The following SOX12 variants were observed in gnomAD, a reference collection of about 807,000 sequenced individuals.
The protein encoded by SOX12 is transcription factor SOX-12.
In SOX12, 8 loss-of-function variants were observed where a neutral mutation model predicts 21.5. That is an observed-to-expected ratio of 0.37 (90% CI 0.22 to 0.67). The LOEUF (loss-of-function observed/expected upper bound fraction) is 0.67, where lower values mean the gene tolerates loss of function less well. SOX12 is among the 30% of genes least tolerant of loss of function. The pLI, the probability that SOX12 is intolerant of heterozygous loss-of-function variation, is 0.56. For missense variants in SOX12, 400 were observed against 482.6 expected, an observed-to-expected ratio of 0.83 and a Z score of 1.60; for synonymous variants, 235 against 224.2, an observed-to-expected ratio of 1.05 and a Z score of -0.43.
In SOX12 at chr20:327,645, C is replaced by G. The variant is rs1049810730; in HGVS notation, c.*773C>G. The G allele has an allele frequency of 6.0e-6, 1 of 167,164 alleles. No individual in the cohort carries two copies. The highest frequency in any genetic ancestry group is 2.4e-5 in the African/African-American group (1 of 41,476). The allele number at this position is 167,164 out of a possible 1,614,324, so 10.4% of individuals were successfully genotyped here. A position where few individuals can be genotyped will look rare whatever the true frequency, so the allele number is the denominator to read the frequency against. On this transcript the variant is annotated 3_prime_UTR_variant, in exon 1 of 1. Transcript: ENST00000342665. The stretch of plus-strand genomic sequence containing the variant: ...CATAGCCCCTTTTCCGGTATGGGGT[C>G]TCCTACACCCACGCGCACCACCTCT...
Position 325,761 on chromosome 20 carries a change from C to T in SOX12, c.-164C>T, listed in dbSNP as rs1392324561. ...CGCGCTGACCTTCTCCCCCCGCCGT[C>T]CGTTGGGCCCGAGCGCCCAGCTCCT... On this transcript the variant is annotated 5_prime_UTR_variant, in exon 1 of 1. Coordinates refer to ENST00000342665, the MANE Select transcript of SOX12 (RefSeq NM_006943.4). The surrounding 1 kb of genome is among the most constrained non-coding windows in gnomAD (Gnocchi z 5.0). 5.2e-6 allele frequency: 1 copy of T among 190,690 alleles called. No homozygotes were observed. Among genetic ancestry groups the T allele is most frequent in the Non-Finnish European group, 9.7e-6 (1 of 102,644 alleles). The allele number at this position is 190,690 out of a possible 1,614,324, so 11.8% of individuals were successfully genotyped here.
rs1568504494 is a variant in SOX12, at chr20:325,923, C to A, written c.-2C>A. ...CGTCTAGCGGCCCCGGGCCCAGGCGCGATGGTGCAGCAGCGGGGCGCGAGG... is the reference window on the plus strand; with the variant it reads ...CGTCTAGCGGCCCCGGGCCCAGGCGAGATGGTGCAGCAGCGGGGCGCGAGG... On this transcript the variant is annotated 5_prime_UTR_variant, in exon 1 of 1. Coordinates refer to ENST00000342665, the MANE Select transcript of SOX12 (RefSeq NM_006943.4). The surrounding 1 kb of genome is among the most constrained non-coding windows in gnomAD (Gnocchi z 5.0). The A allele has an allele frequency of 4.3e-6, 5 of 1,172,700 alleles. No individual in the cohort carries two copies. The highest frequency in any genetic ancestry group is 5.3e-6 in the Non-Finnish European group (5 of 950,608). The allele number at this position is 1,172,700 out of a possible 1,614,324, so 72.6% of individuals were successfully genotyped here.
chr20:327,382 CCGCTGGGGCCCACCCCCTT>C lies in SOX12; in HGVS notation c.*513_*531del. ...CCCCGGAGCGCTAGGGCCCGCCCCT[CCGCTGGGGCCCACCCCCTT>C]CGTGCGCATGCTTAATGCTTCTGGG... On this transcript the variant is annotated 3_prime_UTR_variant, in exon 1 of 1. Coordinates refer to ENST00000342665, the MANE Select transcript of SOX12 (RefSeq NM_006943.4). The C allele has an allele frequency of 5.4e-6, 1 of 186,248 alleles. No individual in the cohort carries two copies. The allele number at this position is 186,248 out of a possible 1,614,324, so 11.5% of individuals were successfully genotyped here. A position where few individuals can be genotyped will look rare whatever the true frequency, so the allele number is the denominator to read the frequency against.
Position 326,706 on chromosome 20 carries a change from G to T in SOX12, c.782G>T (p.Gly261Val). 1 of 1,595,874 alleles carries T rather than the reference G, an allele frequency of 6.3e-7. No homozygotes were observed. Among genetic ancestry groups the T allele is most frequent in the Non-Finnish European group, 8.5e-7 (1 of 1,171,696 alleles). ...SLGFLSRLPP[G>V]PAGLDCSALD... Reference sequence around the variant, plus strand: ...GGCTTTCTGTCCAGGCTGCCCCCTGGCCCGGCCGGCCTGGACTGCAGCGCC... The same window carrying T: ...GGCTTTCTGTCCAGGCTGCCCCCTGTCCCGGCCGGCCTGGACTGCAGCGCC... The change falls in exon 1 of 1, where the codon GGC (glycine) becomes GTC (valine). Residue 261 changes from glycine to valine, a missense_variant. Around this residue, in one of 4 missense-constraint regions of SOX12, gnomAD observed 235 missense variants for 219.3 expected, o/e 1.07. Coordinates refer to ENST00000342665, the MANE Select transcript of SOX12 (RefSeq NM_006943.4). This position sits in a 1 kb window ranked among gnomAD's most constrained non-coding sequence, Gnocchi z 9.9.
chr20:327,178 C>T lies in SOX12; in HGVS notation c.*306C>T, dbSNP rs2013115289. 1 of 405,658 alleles carries T rather than the reference C, an allele frequency of 2.5e-6. No individual in the cohort carries two copies. The highest frequency in any genetic ancestry group is 4.7e-6 in the Non-Finnish European group (1 of 212,012). The allele number at this position is 405,658 out of a possible 1,614,324, so 25.1% of individuals were successfully genotyped here. A position where few individuals can be genotyped will look rare whatever the true frequency, so the allele number is the denominator to read the frequency against. The stretch of plus-strand genomic sequence containing the variant: ...CCTCTCCTACAGACCTGCACCCCTC[C>T]CCCCTTTTGCACACGCCCCTCCTCG... On this transcript the variant is annotated 3_prime_UTR_variant, in exon 1 of 1. Transcript: ENST00000342665.
At position 326,359 on chromosome 20, in the gene SOX12, C is replaced by CG; in HGVS notation, c.440dup (p.Arg148ProfsTer20). 7.7e-7 allele frequency: 1 copy of CG among 1,295,388 alleles called. No homozygotes were observed. The highest frequency in any genetic ancestry group is 2.8e-5 in the South Asian group (1 of 35,466). 80.2% of individuals were successfully genotyped at this position (1,295,388 alleles called of 1,614,324 possible). On this transcript the variant is annotated frameshift_variant, in exon 1 of 1. Coordinates refer to ENST00000342665, the MANE Select transcript of SOX12 (RefSeq NM_006943.4). LOFTEE classifies it high-confidence loss of function. This position sits in a 1 kb window ranked among gnomAD's most constrained non-coding sequence, Gnocchi z 9.9. ...AGCCCGGGCCGCAGCTGCCTGGCCG[C>CG]GGGGGCCGCCGAGCAGCGGGAGGGC... is the stretch of plus-strand genomic sequence containing the variant.
rs556683197 is a variant in SOX12, at chr20:327,854, C to T, written c.*982C>T. ...GGATCCCTGCTGCACCTTCCCCACC[C>T]CCTCCTGGGAAGTGCCCCCTCACCT... On this transcript the variant is annotated 3_prime_UTR_variant, in exon 1 of 1. Coordinates refer to ENST00000342665, the MANE Select transcript of SOX12 (RefSeq NM_006943.4). 12 of 167,380 alleles carry T rather than the reference C, an allele frequency of 7.2e-5. No individual in the cohort carries two copies. In the South Asian group the frequency reaches 8.3e-4, roughly 12 times the overall value. The allele number at this position is 167,380 out of a possible 1,614,324, so 10.4% of individuals were successfully genotyped here.
Position 326,714 on chromosome 20 carries a change from G to C in SOX12, c.790G>C (p.Gly264Arg). Residue 264 changes from glycine to arginine, a missense_variant, in exon 1 of 1, where the codon GGC (glycine) becomes CGC (arginine). Transcript: ENST00000342665. The surrounding 1 kb of genome is among the most constrained non-coding windows in gnomAD (Gnocchi z 9.9). ...FLSRLPPGPA[G>R]LDCSALDRDP... ...GTCCAGGCTGCCCCCTGGCCCGGCC[G>C]GCCTGGACTGCAGCGCCCTGGATCG... 1 of 1,602,792 alleles carries C rather than the reference G, an allele frequency of 6.2e-7. No homozygotes were observed. Among genetic ancestry groups the C allele is most frequent in the South Asian group, 1.1e-5 (1 of 89,956 alleles).
Position 328,517 on chromosome 20 carries a change from ATTTTTTTTTTTTTT to A in SOX12, c.*1652_*1665del. 7.8e-6 allele frequency: 1 copy of A among 128,424 alleles called. No individual in the cohort carries two copies. The allele number at this position is 128,424 out of a possible 1,614,324, so 8.0% of individuals were successfully genotyped here. A position where few individuals can be genotyped will look rare whatever the true frequency, so the allele number is the denominator to read the frequency against. On this transcript the variant is annotated 3_prime_UTR_variant, in exon 1 of 1. Transcript: ENST00000342665. Reference sequence around the variant, plus strand: ...CGGCTCTGGGCCTTTCTTGCGCTCTATTTTTTTTTTTTTTTTTTTTAAGAAAAACAACAACAACA... The same window carrying A: ...CGGCTCTGGGCCTTTCTTGCGCTCTATTTTTTAAGAAAAACAACAACAACA...
At position 327,161 on chromosome 20, in the gene SOX12, A is replaced by C; in HGVS notation, c.*289A>C. 1.0e-5 allele frequency: 4 copies of C among 399,552 alleles called. No homozygotes were observed. The highest frequency in any genetic ancestry group is 9.6e-6 in the Non-Finnish European group (2 of 208,160). 24.8% of individuals were successfully genotyped at this position (399,552 alleles called of 1,614,324 possible). A position where few individuals can be genotyped will look rare whatever the true frequency, so the allele number is the denominator to read the frequency against. On this transcript the variant is annotated 3_prime_UTR_variant, in exon 1 of 1. Transcript: ENST00000342665. The stretch of plus-strand genomic sequence containing the variant: ...TCCGATACACCTCCCGTCCTCTCCT[A>C]CAGACCTGCACCCCTCCCCCCTTTT...
In SOX12 at chr20:326,526, A is replaced by T; in HGVS notation, c.602A>T (p.Glu201Val). Residue 201 changes from glutamate to valine, a missense_variant, in exon 1 of 1, where the codon GAG becomes GTG. Glu to Val is a moderately radical substitution (Grantham distance 121). Coordinates refer to ENST00000342665, the MANE Select transcript of SOX12 (RefSeq NM_006943.4). This position sits in a 1 kb window ranked among gnomAD's most constrained non-coding sequence, Gnocchi z 9.9. ...PAGRAARGQA[E>V]RAQGPSGEGA... Reference sequence around the variant, plus strand: ...GGACGGGCCGCTCGGGGACAAGCGGAGCGCGCCCAAGGGCCGTCGGGCGAG... The same window carrying T: ...GGACGGGCCGCTCGGGGACAAGCGGTGCGCGCCCAAGGGCCGTCGGGCGAG... The T allele has an allele frequency of 6.8e-7, 1 of 1,469,648 alleles. No individual in the cohort carries two copies. Among genetic ancestry groups the T allele is most frequent in the Non-Finnish European group, 8.9e-7 (1 of 1,122,740 alleles). The allele number at this position is 1,469,648 out of a possible 1,614,324, so 91.0% of individuals were successfully genotyped here.
In SOX12 at chr20:326,704, T is replaced by G. The variant is rs1568504899; in HGVS notation, c.780T>G (p.Pro260=). ...TGGGCTTTCTGTCCAGGCTGCCCCC[T>G]GGCCCGGCCGGCCTGGACTGCAGCG... The part of the protein sequence containing the change: ...ESLGFLSRLP[P]GPAGLDCSAL... Residue 260 remains proline, a synonymous_variant, in exon 1 of 1, where the codon CCT becomes CCG. Coordinates refer to ENST00000342665, the MANE Select transcript of SOX12 (RefSeq NM_006943.4). The surrounding 1 kb of genome is among the most constrained non-coding windows in gnomAD (Gnocchi z 9.9). 1 of 1,591,638 alleles carries G rather than the reference T, an allele frequency of 6.3e-7. No homozygotes were observed. Among genetic ancestry groups the G allele is most frequent in the Non-Finnish European group, 8.6e-7 (1 of 1,169,168 alleles).
At position 326,144 on chromosome 20, in the gene SOX12, C is replaced by T. The variant is rs2013083018; in HGVS notation, c.220C>T (p.Leu74=). The part of the protein sequence containing the change: ...DMHNAEISKR[L]GRRWQLLQDS... The stretch of plus-strand genomic sequence containing the variant: ...GCACAACGCCGAGATCTCCAAGCGC[C>T]TGGGCCGCCGCTGGCAGCTGCTGCA... The change falls in exon 1 of 1, where the codon CTG becomes TTG. Residue 74 remains leucine, a synonymous_variant. Transcript: ENST00000342665. This position sits in a 1 kb window ranked among gnomAD's most constrained non-coding sequence, Gnocchi z 9.9. 42 of 1,600,770 alleles carry T rather than the reference C, an allele frequency of 2.6e-5. No individual in the cohort carries two copies. Among genetic ancestry groups the T allele is most frequent in the Non-Finnish European group, 3.2e-5 (38 of 1,174,150 alleles).
chr20:327,005 C>G lies in SOX12; in HGVS notation c.*133C>G, dbSNP rs1326182829. 7.4e-6 allele frequency: 6 copies of G among 811,564 alleles called. No individual in the cohort carries two copies. The highest frequency in any genetic ancestry group is 1.3e-5 in the Non-Finnish European group (6 of 477,730). 50.3% of individuals were successfully genotyped at this position (811,564 alleles called of 1,614,324 possible). Reference sequence around the variant, plus strand: ...CCTGCCCCCTCCTGGACGTGCCCATCCCCCCTCAGATCCAGACATGCCCCT... The same window carrying G: ...CCTGCCCCCTCCTGGACGTGCCCATGCCCCCTCAGATCCAGACATGCCCCT... On this transcript the variant is annotated 3_prime_UTR_variant, in exon 1 of 1. Transcript: ENST00000342665.
Position 326,346 on chromosome 20 carries a change from A to T in SOX12, c.422A>T (p.Gln141Leu), listed in dbSNP as rs1011981897. The T allele has an allele frequency of 4.6e-6, 6 of 1,302,992 alleles. No homozygotes were observed. Among genetic ancestry groups the T allele is most frequent in the Non-Finnish European group, 5.8e-6 (6 of 1,026,964 alleles). The allele number at this position is 1,302,992 out of a possible 1,614,324, so 80.7% of individuals were successfully genotyped here. The change falls in exon 1 of 1, where the codon CAG becomes CTG. Residue 141 changes from glutamine to leucine, a missense_variant. Physicochemically the swap from Gln to Leu is moderately radical, Grantham distance 113. Around this residue, in one of 4 missense-constraint regions of SOX12, gnomAD observed 235 missense variants for 219.3 expected, o/e 1.07. Coordinates refer to ENST00000342665, the MANE Select transcript of SOX12 (RefSeq NM_006943.4). This position sits in a 1 kb window ranked among gnomAD's most constrained non-coding sequence, Gnocchi z 9.9. The part of the protein sequence containing the change: ...GGGSRLKPGP[Q>L]LPGRGGRRAA... ...GGCAGCCGGCTCAAGCCCGGGCCGC[A>T]GCTGCCTGGCCGCGGGGGCCGCCGA...
chr20:328,001 G>A lies in SOX12; in HGVS notation c.*1129G>A, dbSNP rs905786144. 14 of 167,208 alleles carry A rather than the reference G, an allele frequency of 8.4e-5. No individual in the cohort carries two copies. In the Admixed American group the frequency reaches 9.2e-4, roughly 11 times the overall value. 10.4% of individuals were successfully genotyped at this position (167,208 alleles called of 1,614,324 possible). A position where few individuals can be genotyped will look rare whatever the true frequency, so the allele number is the denominator to read the frequency against. Reference sequence around the variant, plus strand: ...AAACTGAGGCACTTTGGTGCTAGGGGTTTGGGACTGAGGCGTGGAGAGCAG... The same window carrying A: ...AAACTGAGGCACTTTGGTGCTAGGGATTTGGGACTGAGGCGTGGAGAGCAG... On this transcript the variant is annotated 3_prime_UTR_variant, in exon 1 of 1. Transcript: ENST00000342665.
chr20:326,797 C>G lies in SOX12; in HGVS notation c.873C>G (p.Cys291Trp). ...CGCACTTCGAGTTCCCGGACTACTG[C>G]ACCCCCGAGGTTACCGAGATGATCG... ...GTSHFEFPDY[C>W]TPEVTEMIAG... The change falls in exon 1 of 1, where the codon TGC (cysteine) becomes TGG (tryptophan). Residue 291 changes from cysteine to tryptophan, a missense_variant. Physicochemically the swap from Cys to Trp is radical, Grantham distance 215. Transcript: ENST00000342665. The surrounding 1 kb of genome is among the most constrained non-coding windows in gnomAD (Gnocchi z 9.9). The G allele has an allele frequency of 2.5e-6, 4 of 1,613,714 alleles. No homozygotes were observed. The highest frequency in any genetic ancestry group is 3.4e-6 in the Non-Finnish European group (4 of 1,179,910).
In SOX12 at chr20:326,583, C is replaced by T. The variant is rs181303084; in HGVS notation, c.659C>T (p.Thr220Ile). 664 of 1,536,718 alleles carry T rather than the reference C, an allele frequency of 4.3e-4. 2 individuals are homozygous for T. The African/African-American group carries it at 8.5e-3, about 20-fold the overall frequency. Residue 220 changes from threonine to isoleucine, a missense_variant, in exon 1 of 1, where the codon ACA becomes ATA. This residue lies in a region of SOX12 where 235 missense variants were observed against 219.3 expected (regional missense o/e 1.07). Coordinates refer to ENST00000342665, the MANE Select transcript of SOX12 (RefSeq NM_006943.4). This position sits in a 1 kb window ranked among gnomAD's most constrained non-coding sequence, Gnocchi z 9.9. ...GAAAAAAASP[T>I]PSEDEEPEEE... ...GCCGCCGCCGCCGCCGCCTCCCCGA[C>T]ACCGTCGGAGGACGAGGAGCCGGAG...
Position 325,589 on chromosome 20 carries a change from CGCGGGCCGCG to C in SOX12, c.-331_-322del, listed in dbSNP as rs979173619. The C allele has an allele frequency of 1.0e-4, 15 of 149,878 alleles. No individual in the cohort carries two copies. Among genetic ancestry groups the C allele is most frequent in the African/African-American group, 2.9e-4 (12 of 41,008 alleles). The allele number at this position is 149,878 out of a possible 1,614,324, so 9.3% of individuals were successfully genotyped here. A position where few individuals can be genotyped will look rare whatever the true frequency, so the allele number is the denominator to read the frequency against. ...CGGCGGCCGGGCGGGGAGCGGCGCG[CGCGGGCCGCG>C]GCGGAGCCAGAGGCTGCAGGAAGAG... On this transcript the variant is annotated 5_prime_UTR_variant, in exon 1 of 1. Coordinates refer to ENST00000342665, the MANE Select transcript of SOX12 (RefSeq NM_006943.4). This position sits in a 1 kb window ranked among gnomAD's most constrained non-coding sequence, Gnocchi z 5.0.
Sources: allele counts gnomAD v4.1 joint callset, GRCh38; gene constraint gnomAD v4.1.1; regional missense constraint gnomAD v4.1.1; non-coding constraint Gnocchi (gnomAD v3.1); transcripts MANE v1.5; gene names NCBI Gene and HGNC (gene_info 2026-07-23, HGNC 2026-07-21).